The following CDC42BPA variants were observed in gnomAD, a reference collection of about 807,000 sequenced individuals.
CDC42BPA encodes the protein CDC42 binding protein kinase alpha, also known as serine/threonine-protein kinase MRCK alpha.
Under a neutral mutation model 223.5 loss-of-function variants are expected in CDC42BPA, and 80 were observed. The observed-to-expected ratio is 0.36, with a 90% CI of 0.30 to 0.43. The LOEUF is 0.43. Ranked by LOEUF, CDC42BPA falls within the 20% of genes least tolerant of loss-of-function variation. The pLI, the probability that CDC42BPA is intolerant of heterozygous loss-of-function variation, is 1.00. For synonymous variants in CDC42BPA, 694 were observed against 718.6 expected, an observed-to-expected ratio of 0.97 and a Z score of 0.55; for missense variants, 1,743 against 2,099.9, an observed-to-expected ratio of 0.83 and a Z score of 3.32.
intron 12 of CDC42BPA, among the ~76,000 whole-genome samples, chr1:227,118,168 T>C (rs924925750): frequency 6.6e-6 from 1 of 152,104 alleles, no homozygotes; most frequent in Non-Finnish European, 1.5e-5. Context: ...GAAATGGAAG[T>C]TGGTATGCTA....
At chr1:227,251,896 C>T (rs533662778) in intron 2 of CDC42BPA, among the ~76,000 whole-genome samples, 1 of 152,016 alleles carries the variant, frequency 6.6e-6, no homozygotes, top group East Asian at 1.9e-4. Flanking sequence ...ATAAGAAAAA[C>T]TAGAAAATTT....
At chr1:227,200,436 AC>A (rs1447637125) in intron 3 of CDC42BPA, among the ~76,000 whole-genome samples, 23 of 38,224 alleles carry the variant, frequency 6.0e-4, no homozygotes, top group Admixed American at 1.6e-3. Context: ...GCCTTAAAAA[AC>A]AAACAAACAA....
At chr1:227,056,485 C>T (rs532584056) in intron 21 of CDC42BPA, among the ~76,000 whole-genome samples, 5 of 151,864 alleles carry the variant, frequency 3.3e-5, no homozygotes, top group Middle Eastern at 3.4e-3. Context: ...ATTCTTGAGC[C>T]GAACTGATCC....
At chr1:227,019,527 G>T (rs1666972685) in intron 32 of CDC42BPA, among the ~76,000 whole-genome samples, 2 of 152,120 alleles carry the variant, frequency 1.3e-5, no homozygotes, top group Non-Finnish European at 2.9e-5. Context: ...TTTTCAGAAG[G>T]TTTTCAATCT....
chr1:227,139,503 C>G, intron 10 of CDC42BPA, 73 bp downstream of exon 10: 1 of 992,052 alleles, frequency 1.0e-6, no homozygotes, highest in Non-Finnish European at 1.4e-6. Flanking sequence ...GATAAAACAA[C>G]CACTTATAAT....
chr1:227,031,310 C>T lies in CDC42BPA; in HGVS notation c.3763G>A (p.Ala1255Thr), dbSNP rs964424005. The T allele has an allele frequency of 3.1e-6, 5 of 1,611,702 alleles. No homozygotes were observed. Among genetic ancestry groups the T allele is most frequent in the African/African-American group, 1.3e-5 (1 of 74,844 alleles). The change falls in exon 28 of 37, where the codon GCC (alanine) becomes ACC (threonine). Residue 1255 changes from alanine (A) to threonine (T), a missense_variant. Ala to Thr is a moderately conservative substitution (Grantham distance 58, BLOSUM62 0). Around this residue, in one of 6 missense-constraint regions of CDC42BPA, gnomAD observed 678 missense variants for 777.5 expected, o/e 0.87. Transcript: ENST00000366766. ...TLPLIKTTQA[A>T]AIIDHERIAL... Reference sequence around the variant, plus strand: ...TATAAATTCATACCTATGATTGCGGCTGCCTGGGTTGTTTTAATGAGGGGT... The same window carrying T: ...TATAAATTCATACCTATGATTGCGGTTGCCTGGGTTGTTTTAATGAGGGGT...
intron 30 of CDC42BPA, 152 bp from the exon 31 acceptor site, chr1:227,026,304 A>G (rs1042437115): frequency 3.7e-6 from 2 of 543,822 alleles, no homozygotes; most frequent in Middle Eastern, 2.8e-4. Context: ...ACATTTTTGA[A>G]GCAAACAGAA....
At chr1:226,995,580 A>G (rs1436222614) in intron 35 of CDC42BPA, among the ~76,000 whole-genome samples, 1 of 152,184 alleles carries the variant, frequency 6.6e-6, no homozygotes, top group South Asian at 2.1e-4. Context: ...AGAAAACATA[A>G]AAGTACTTTT....
chr1:227,163,970 C>T (rs1664575583), intron 5 of CDC42BPA, among the ~76,000 whole-genome samples: 1 of 152,088 alleles, frequency 6.6e-6, no homozygotes, highest in South Asian at 2.1e-4. Context: ...ATCCTTTCAC[C>T]ACTATTATCT....
intron 1 of CDC42BPA, among the ~76,000 whole-genome samples, chr1:227,257,320 A>C (rs1253546479): frequency 6.6e-6 from 1 of 151,610 alleles, no homozygotes; most frequent in Non-Finnish European, 1.5e-5. Flanking sequence ...TACATGTAAA[A>C]GTGGTCAAAA....
chr1:227,059,518 A>T, intron 21 of CDC42BPA: 1 of 1,023,840 alleles, frequency 9.8e-7, no homozygotes, highest in Non-Finnish European at 1.5e-6. Context: ...ATACATATAA[A>T]GCCACAGTTT....
At chr1:227,064,025 T>C (rs1179626543) in intron 21 of CDC42BPA, among the ~76,000 whole-genome samples, 1 of 152,202 alleles carries the variant, frequency 6.6e-6, no homozygotes, top group Non-Finnish European at 1.5e-5. Flanking sequence ...AGCCTGCCAA[T>C]GTTGTCAGAC....
intron 5 of CDC42BPA, among the ~76,000 whole-genome samples, chr1:227,184,677 A>G (rs1402683066): frequency 6.6e-6 from 1 of 152,186 alleles, no homozygotes; most frequent in South Asian, 2.1e-4. Context: ...AAAATTTAAA[A>G]TAAGCTTGTC....
At chr1:227,239,911 C>A (rs1159927783) in intron 2 of CDC42BPA, among the ~76,000 whole-genome samples, 1 of 152,046 alleles carries the variant, frequency 6.6e-6, no homozygotes, top group African/African-American at 2.4e-5. Context: ...TATTAGAGGT[C>A]CGAGCTAGTG....
chr1:227,146,491 A>T (rs1571965046), intron 7 of CDC42BPA, among the ~76,000 whole-genome samples: 1 of 152,262 alleles, frequency 6.6e-6, no homozygotes, highest in South Asian at 2.1e-4. Flanking sequence ...TAAAGCAACT[A>T]ATCATAATTG....
chr1:227,073,974 A>G lies in CDC42BPA; in HGVS notation c.2625T>C (p.Asp875=). The change falls in exon 19 of 37, where the codon GAT becomes GAC. Residue 875 remains aspartate (D), a synonymous_variant. Transcript: ENST00000366766. ...PWKMRRFAKL[D]MSARLELQSA... Reference sequence around the variant, plus strand: ...ACTGCAACTCCAGTCTAGCTGACATATCCAGTTTCGCAAAACGACGCATTT... The same window carrying G: ...ACTGCAACTCCAGTCTAGCTGACATGTCCAGTTTCGCAAAACGACGCATTT... 6.2e-7 allele frequency: 1 copy of G among 1,612,468 alleles called. No homozygotes were observed. The highest frequency in any genetic ancestry group is 8.5e-7 in the Non-Finnish European group (1 of 1,179,538).
chr1:226,992,535 C>CA lies in CDC42BPA; in HGVS notation c.*1732dup, dbSNP rs1558228049. 1 of 152,310 alleles carries CA rather than the reference C, an allele frequency of 6.6e-6. No homozygotes were observed. The highest frequency in any genetic ancestry group is 2.4e-5 in the African/African-American group (1 of 41,462). The allele number at this position is 152,310 out of a possible 1,614,324, so 9.4% of individuals were successfully genotyped here. On this transcript the variant is annotated 3_prime_UTR_variant, in exon 37 of 37. Transcript: ENST00000366766. ...GCATGGTGGCCACCTCAGTGACACG[C>CA]AGGTCACCTCAGTGACACAGACGTG...
At chr1:227,209,948 G>A (rs1673571378) in intron 3 of CDC42BPA, among the ~76,000 whole-genome samples, 1 of 149,568 alleles carries the variant, frequency 6.7e-6, no homozygotes, top group South Asian at 2.2e-4. Flanking sequence ...GTTCCTCCTT[G>A]TACCTCTGGT....
chr1:227,313,024 T>A (rs894242277), intron 1 of CDC42BPA, among the ~76,000 whole-genome samples: 1 of 152,130 alleles, frequency 6.6e-6, no homozygotes, highest in African/African-American at 2.4e-5. Context: ...CAGTCTTAGG[T>A]AGTTCTTTAT....
Sources: gnomAD v4.1 joint callset for allele counts (sites outside exome capture counted in the v4.1 genomes callset) on GRCh38, gnomAD v4.1.1 for gene constraint, gnomAD v4.1.1 regional missense constraint, MANE v1.5 for transcripts, NCBI Gene and HGNC (gene_info 2026-07-23, HGNC 2026-07-21) for gene names.